The following KLF8 variants were observed in gnomAD, a reference collection of about 807,000 sequenced individuals.
The protein encoded by KLF8 is KLF transcription factor 8, also known as Krueppel-like factor 8.
In KLF8, 10 loss-of-function variants were observed where a neutral mutation model predicts 18.2. The ratio of observed to expected loss-of-function variants is 0.55; its 90% CI spans 0.34 to 0.93. The LOEUF (loss-of-function observed/expected upper bound fraction) is 0.93. KLF8 is among the 40% of genes least tolerant of loss of function. KLF8 has a pLI of 0.02. For missense variants in KLF8, 264 were observed against 277.9 expected, an observed-to-expected ratio of 0.95 and a Z score of 0.36; for synonymous variants, 109 against 97.3, an observed-to-expected ratio of 1.12 and a Z score of -0.71.
intron 1 of KLF8, among the ~76,000 whole-genome samples, chrX:56,239,854 AT>A (rs1278679275): frequency 9.0e-6 from 1 of 110,596 alleles, no homozygotes; most frequent in Non-Finnish European, 1.9e-5. Context: ...AGTTTCTTTC[AT>A]TTTTTTCTGC....
the KLF8 span, among the ~76,000 whole-genome samples, chrX:56,210,866 C>G: frequency 8.3e-5 from 9 of 108,730 alleles, no homozygotes; most frequent in East Asian, 2.0e-3. Flanking sequence ...TTTTTCAGCT[C>G]CAGAATTTCT....
chrX:56,041,567 G>T, the KLF8 span, among the ~76,000 whole-genome samples: 3 of 107,439 alleles, frequency 2.8e-5, no homozygotes, highest in South Asian at 1.2e-3. Flanking sequence ...CTCTGATCTT[G>T]GTTATTTCTT....
At chrX:56,194,811 G>T in the KLF8 span, among the ~76,000 whole-genome samples, 1 of 112,132 alleles carries the variant, frequency 8.9e-6, no homozygotes, top group Admixed American at 9.5e-5. Flanking sequence ...AGTAAGGGCT[G>T]AAAGACACCT....
At chrX:56,078,763 A>G in the KLF8 span, among the ~76,000 whole-genome samples, 1 of 111,438 alleles carries the variant, frequency 9.0e-6, no homozygotes, top group African/African-American at 3.3e-5. Context: ...CTGTGAATCC[A>G]TCTGGTCCTG....
At chrX:56,081,114 G>A in the KLF8 span, among the ~76,000 whole-genome samples, 1 of 111,386 alleles carries the variant, frequency 9.0e-6, no homozygotes, top group African/African-American at 3.3e-5. Flanking sequence ...TTAGCTCAGA[G>A]TAATTTGATC....
chrX:56,111,064 C>T, the KLF8 span, among the ~76,000 whole-genome samples: 1 of 111,821 alleles, frequency 8.9e-6, no homozygotes, highest in East Asian at 2.8e-4. Flanking sequence ...ATGTCTTAAT[C>T]TCTGCTTATT....
chrX:56,046,632 C>T, the KLF8 span, among the ~76,000 whole-genome samples: 1 of 109,396 alleles, frequency 9.1e-6, no homozygotes, highest in East Asian at 2.9e-4. Flanking sequence ...ACCTTTCTTT[C>T]ATCTATGAAG....
At chrX:55,962,432 T>C in the KLF8 span, 1 of 242,790 alleles carries the variant, frequency 4.1e-6, no homozygotes. Context: ...AGGGGTCACC[T>C]TCAGCAACAT....
chrX:56,116,647 A>ATATC, the KLF8 span, among the ~76,000 whole-genome samples: 1 of 101,376 alleles, frequency 9.9e-6, no homozygotes, highest in Non-Finnish European at 2.0e-5. Context: ...ATATATATAT[A>ATATC]TATATATATA....
intron 5 of KLF8, among the ~76,000 whole-genome samples, chrX:56,279,166 A>G (rs769028830): frequency 1.8e-5 from 2 of 110,878 alleles, no homozygotes; most frequent in African/African-American, 3.3e-5. Flanking sequence ...TTTTATTATT[A>G]TACTTTAAGT....
the KLF8 span, among the ~76,000 whole-genome samples, chrX:56,013,698 C>G: frequency 4.5e-5 from 5 of 111,072 alleles, no homozygotes; most frequent in African/African-American, 1.6e-4. Flanking sequence ...ACGGGCTTCC[C>G]CCTCACTAGG....
At chrX:56,063,494 C>A in the KLF8 span, among the ~76,000 whole-genome samples, 1 of 111,742 alleles carries the variant, frequency 8.9e-6, no homozygotes, top group African/African-American at 3.3e-5. Context: ...CCAGCAGAGG[C>A]TGCAGAACAC....
the KLF8 span, among the ~76,000 whole-genome samples, chrX:56,199,078 A>G: frequency 8.9e-6 from 1 of 111,953 alleles, no homozygotes; most frequent in East Asian, 2.8e-4. Flanking sequence ...ACAGCTTATA[A>G]AGAATTAATT....
chrX:55,933,923 T>C, the KLF8 span, among the ~76,000 whole-genome samples: 1 of 112,201 alleles, frequency 8.9e-6, no homozygotes, highest in Admixed American at 9.5e-5. Context: ...CTGAAGATGC[T>C]TTGAATTCCA....
chrX:55,952,197 C>A, the KLF8 span, among the ~76,000 whole-genome samples: 1 of 112,144 alleles, frequency 8.9e-6, no homozygotes, highest in Non-Finnish European at 1.9e-5. Context: ...GAGGAGGTGA[C>A]TGGAGACCAT....
At chrX:56,161,954 G>T in the KLF8 span, among the ~76,000 whole-genome samples, 1 of 111,592 alleles carries the variant, frequency 9.0e-6, no homozygotes, top group Admixed American at 9.6e-5. Context: ...TTTTGGTGTG[G>T]ATGTCCCTTC....
chrX:56,042,530 G>A, the KLF8 span, among the ~76,000 whole-genome samples: 18 of 111,524 alleles, frequency 1.6e-4, no homozygotes, highest in African/African-American at 5.9e-4. Flanking sequence ...CCTGGAATGT[G>A]GGCATATATA....
At chrX:55,989,493 T>G in the KLF8 span, among the ~76,000 whole-genome samples, 6 of 112,309 alleles carry the variant, frequency 5.3e-5, no homozygotes, top group African/African-American at 9.7e-5. Context: ...CTGTTTATAT[T>G]CTGGATAACG....
At chrX:55,948,014 T>C in the KLF8 span, among the ~76,000 whole-genome samples, 1 of 112,198 alleles carries the variant, frequency 8.9e-6, no homozygotes, top group East Asian at 2.8e-4. Context: ...ATGGGTGTAT[T>C]AGATGTTGAA....
Sources: gnomAD v4.1 joint callset for allele counts (sites outside exome capture counted in the v4.1 genomes callset) on GRCh38, gnomAD v4.1.1 for gene constraint, MANE v1.5 for transcripts, NCBI Gene and HGNC (gene_info 2026-07-23, HGNC 2026-07-21) for gene names.